GALNT13: variants seen among roughly 807,000 people sequenced by gnomAD.
GALNT13 encodes UDP-GalNAc:polypeptide N-acetylgalactosaminyltransferase 13.
GALNT13 carries 28 observed loss-of-function variants against 64.2 expected under a neutral mutation model. The observed-to-expected ratio is 0.44, with a 90% CI of 0.32 to 0.60. The LOEUF is 0.60. Ranked by LOEUF, GALNT13 falls within the 20% of genes least tolerant of loss-of-function variation. The probability of loss-of-function intolerance (pLI) is 0.05; values close to 1 mark genes in which losing one functional copy is unlikely to be tolerated. For missense variants in GALNT13, 577 were observed against 669.8 expected, an observed-to-expected ratio of 0.86 and a Z score of 1.53; for synonymous variants, 214 against 224.6, an observed-to-expected ratio of 0.95 and a Z score of 0.42.
chr2:153,166,283 C>T, the GALNT13 span, among the ~76,000 whole-genome samples: 1 of 152,290 alleles, frequency 6.6e-6, no homozygotes, highest in Admixed American at 6.5e-5. Flanking sequence ...GGGATGCCAC[C>T]TCCACGATTA....
the GALNT13 span, among the ~76,000 whole-genome samples, chr2:153,403,790 T>C: frequency 0.55 from 83,649 of 151,986 alleles, 25,268 homozygotes; most frequent in African/African-American, 0.82. Context: ...CTTCGGCTCG[T>C]GCACGGTGTG....
At chr2:153,672,241 G>T in the GALNT13 span, among the ~76,000 whole-genome samples, 2 of 152,082 alleles carry the variant, frequency 1.3e-5, no homozygotes, top group African/African-American at 4.8e-5. Context: ...CAAATCAGTA[G>T]AATATACATT....
At chr2:153,644,525 G>A in the GALNT13 span, among the ~76,000 whole-genome samples, 1 of 151,882 alleles carries the variant, frequency 6.6e-6, no homozygotes, top group African/African-American at 2.4e-5. Flanking sequence ...GAGGGATCTC[G>A]GATTTTTGTT....
At chr2:153,555,486 G>C in the GALNT13 span, among the ~76,000 whole-genome samples, 6 of 104,674 alleles carry the variant, frequency 5.7e-5, no homozygotes, top group Non-Finnish European at 1.0e-4. Flanking sequence ...GAGCCACCGC[G>C]CCCGGCCCAG....
the GALNT13 span, among the ~76,000 whole-genome samples, chr2:153,796,034 A>G: frequency 1.3e-3 from 196 of 152,322 alleles, no homozygotes; most frequent in Non-Finnish European, 2.3e-3. Context: ...TGCACCCTGT[A>G]GAGTGTTCTT....
the GALNT13 span, among the ~76,000 whole-genome samples, chr2:153,588,259 C>T: frequency 6.6e-6 from 1 of 152,174 alleles, no homozygotes; most frequent in Non-Finnish European, 1.5e-5. Context: ...TTCACAGCTC[C>T]ACTAGGCAGT....
intron 2 of GALNT13, among the ~76,000 whole-genome samples, chr2:153,922,378 A>G (rs1689817488): frequency 6.6e-6 from 1 of 152,234 alleles, no homozygotes; most frequent in African/African-American, 2.4e-5. Flanking sequence ...ATAATCATTC[A>G]GCCACATAAA....
intron 4 of GALNT13, among the ~76,000 whole-genome samples, chr2:154,141,284 T>G (rs1582648): frequency 0.082 from 12,516 of 152,190 alleles, 1,439 homozygotes; most frequent in East Asian, 0.61. Flanking sequence ...TAAAATTTCT[T>G]TCTTCAGTAA....
the GALNT13 span, among the ~76,000 whole-genome samples, chr2:153,767,612 G>A: frequency 6.6e-6 from 1 of 152,186 alleles, no homozygotes; most frequent in East Asian, 1.9e-4. Context: ...AACAACATAT[G>A]CTGTCTTTTT....
the GALNT13 span, among the ~76,000 whole-genome samples, chr2:153,158,448 A>G: frequency 3.3e-5 from 5 of 152,348 alleles, no homozygotes; most frequent in African/African-American, 9.6e-5. Flanking sequence ...TAATAAATCA[A>G]TTTAAAAATG....
chr2:153,523,043 A>T, the GALNT13 span, among the ~76,000 whole-genome samples: 1,575 of 82,914 alleles, frequency 0.019, 19 homozygotes, highest in African/African-American at 0.05. Context: ...TGTGTTTACT[A>T]TTTTTTTTTT....
intron 9 of GALNT13, among the ~76,000 whole-genome samples, chr2:154,374,531 G>T (rs1392804296): frequency 6.6e-6 from 1 of 152,152 alleles, no homozygotes; most frequent in African/African-American, 2.4e-5. Flanking sequence ...AGGAAAAAAA[G>T]GATGGGAGAA....
In GALNT13 at chr2:154,396,048, T is replaced by A. The variant is rs1015074339; in HGVS notation, c.1214T>A (p.Leu405Gln). The change falls in exon 10 of 13, where the codon CTG (leucine) becomes CAG (glutamine). Residue 405 changes from leucine to glutamine, a missense_variant. Leu to Gln is a moderately radical substitution (Grantham distance 113, BLOSUM62 -2). This residue lies in a region of GALNT13 where 232 missense variants were observed against 270.6 expected (regional missense o/e 0.86). Transcript: ENST00000392825. The stretch of plus-strand genomic sequence containing the variant: ...GTCAGAAAAACACTAAGAGAAAATC[T>A]GAAGTGTAAGCCCTTTTCTTGGTAC... Reference protein sequence around the residue: ...VSVRKTLRENLKCKPFSWYLE... With the variant: ...VSVRKTLRENQKCKPFSWYLE... The A allele has an allele frequency of 3.7e-6, 6 of 1,611,262 alleles. No individual in the cohort carries two copies.
chr2:154,171,568 G>C (rs1685350254), intron 4 of GALNT13, among the ~76,000 whole-genome samples: 1 of 152,094 alleles, frequency 6.6e-6, no homozygotes, highest in African/African-American at 2.4e-5. Flanking sequence ...AACTGGAAGA[G>C]ACAGGCAGGA....
the GALNT13 span, among the ~76,000 whole-genome samples, chr2:153,108,611 C>A: frequency 6.6e-6 from 1 of 152,206 alleles, no homozygotes; most frequent in East Asian, 1.9e-4. Context: ...CCCAACTCTG[C>A]GAGGTGGGCA....
intron 9 of GALNT13, among the ~76,000 whole-genome samples, chr2:154,322,144 CTTTTTTTTTTTTTTT>C (rs70983718): frequency 2.4e-4 from 4 of 16,612 alleles, no homozygotes; most frequent in Non-Finnish European, 4.1e-4. Flanking sequence ...AAAATATGTA[CTTTTTTTTTTTTTTT>C]TTTTTTTTTT....
chr2:153,730,361 C>A, the GALNT13 span, among the ~76,000 whole-genome samples: 2 of 151,784 alleles, frequency 1.3e-5, no homozygotes, highest in African/African-American at 4.8e-5. Flanking sequence ...ACACTCTATT[C>A]AATAATTGGT....
At chr2:154,367,506 T>C (rs1233308340) in intron 9 of GALNT13, among the ~76,000 whole-genome samples, 1 of 152,174 alleles carries the variant, frequency 6.6e-6, no homozygotes, top group African/African-American at 2.4e-5. Flanking sequence ...GAACACAGTT[T>C]ACATTCTGAA....
chr2:154,356,649 C>A (rs1242366731), intron 9 of GALNT13, among the ~76,000 whole-genome samples: 1 of 151,870 alleles, frequency 6.6e-6, no homozygotes, highest in East Asian at 1.9e-4. Context: ...ATATATTCTA[C>A]TTTAGGTCAG....
Sources: gnomAD v4.1 joint callset for allele counts (sites outside exome capture counted in the v4.1 genomes callset) on GRCh38, gnomAD v4.1.1 for gene constraint, gnomAD v4.1.1 regional missense constraint, MANE v1.5 for transcripts, NCBI Gene and HGNC (gene_info 2026-07-23, HGNC 2026-07-21) for gene names.